ARK2C: variants seen among roughly 807,000 people sequenced by gnomAD.
ARK2C encodes the protein arkadia (RNF111) C-terminal like ring finger ubiquitin ligase 2C, also known as E3 ubiquitin-protein ligase ARK2C.
chr18:46,362,660 G>T, the ARK2C span, among the ~76,000 whole-genome samples: 1 of 152,252 alleles, frequency 6.6e-6, no homozygotes, highest in African/African-American at 2.4e-5. Context: ...GCCTTAGCCA[G>T]TGAAACCTTG....
the ARK2C span, among the ~76,000 whole-genome samples, chr18:46,416,441 G>A: frequency 1.3e-5 from 2 of 152,226 alleles, no homozygotes; most frequent in Non-Finnish European, 2.9e-5. Context: ...TCTGGGTGTT[G>A]CATGGAGACA....
the ARK2C span, among the ~76,000 whole-genome samples, chr18:46,392,189 G>C: frequency 6.6e-6 from 1 of 152,212 alleles, no homozygotes; most frequent in East Asian, 1.9e-4. Flanking sequence ...CACACATACT[G>C]TGGTCATCCT....
chr18:46,389,567 G>A, the ARK2C span, among the ~76,000 whole-genome samples: 16 of 152,256 alleles, frequency 1.1e-4, no homozygotes, highest in East Asian at 3.9e-4. Context: ...AGGGGCAACC[G>A]TGGGGGTGGA....
At chr18:46,430,146 AG>A in the ARK2C span, among the ~76,000 whole-genome samples, 4 of 152,130 alleles carry the variant, frequency 2.6e-5, no homozygotes, top group Admixed American at 6.6e-5. Context: ...AGGAGTGTTG[AG>A]AAGGTTAATT....
chr18:46,343,570 C>T, the ARK2C span, among the ~76,000 whole-genome samples: 1 of 152,230 alleles, frequency 6.6e-6, no homozygotes, highest in African/African-American at 2.4e-5. Flanking sequence ...TTCATGGCCT[C>T]TCTGCCAGTA....
the ARK2C span, among the ~76,000 whole-genome samples, chr18:46,440,715 A>G: frequency 2.0e-5 from 3 of 152,178 alleles, no homozygotes; most frequent in Non-Finnish European, 4.4e-5. Context: ...CTTTGTATCA[A>G]TCAAGATCCG....
chr18:46,410,550 C>A, the ARK2C span, among the ~76,000 whole-genome samples: 8 of 152,246 alleles, frequency 5.3e-5, no homozygotes, highest in African/African-American at 1.9e-4. Flanking sequence ...AGCCTTCTGA[C>A]AATTGCTGTC....
the ARK2C span, among the ~76,000 whole-genome samples, chr18:46,420,102 C>T: frequency 1.3e-5 from 2 of 152,124 alleles, no homozygotes; most frequent in Non-Finnish European, 2.9e-5. Context: ...ATTTCAGGGG[C>T]GTGTGGAGGT....
At chr18:46,393,539 C>T in the ARK2C span, among the ~76,000 whole-genome samples, 3 of 152,176 alleles carry the variant, frequency 2.0e-5, no homozygotes. Flanking sequence ...CCGCCACCAC[C>T]CCACCCCATC....
chr18:46,459,500 C>G, the ARK2C span: 7 of 152,252 alleles, frequency 4.6e-5, no homozygotes, highest in Non-Finnish European at 1.0e-4. Flanking sequence ...GCCCTCGTCC[C>G]CTCCCCCCTC....
the ARK2C span, among the ~76,000 whole-genome samples, chr18:46,447,237 C>G: frequency 6.6e-6 from 1 of 152,164 alleles, no homozygotes; most frequent in African/African-American, 2.4e-5. Context: ...CTCAGTGCCT[C>G]TGGCTTGCTC....
At chr18:46,391,875 T>G in the ARK2C span, among the ~76,000 whole-genome samples, 1 of 151,174 alleles carries the variant, frequency 6.6e-6, no homozygotes, top group African/African-American at 2.4e-5. Flanking sequence ...ATGCAACCCA[T>G]ATACACAGCA....
chr18:46,364,598 A>C, the ARK2C span, among the ~76,000 whole-genome samples: 1,669 of 152,094 alleles, frequency 0.011, 29 homozygotes, highest in African/African-American at 0.038. Flanking sequence ...GGATTTTAGG[A>C]TTGGCTTATA....
the ARK2C span, among the ~76,000 whole-genome samples, chr18:46,352,237 G>T: frequency 6.6e-6 from 1 of 152,094 alleles, no homozygotes; most frequent in African/African-American, 2.4e-5. Flanking sequence ...GCTGGTCAAA[G>T]CCCAGAAAAT....
the ARK2C span, among the ~76,000 whole-genome samples, chr18:46,432,071 G>A: frequency 6.6e-6 from 1 of 152,160 alleles, no homozygotes; most frequent in Non-Finnish European, 1.5e-5. Flanking sequence ...AGTGGGTATT[G>A]GGAGGAGCAG....
the ARK2C span, chr18:46,458,251 A>T: frequency 6.6e-6 from 1 of 152,604 alleles, no homozygotes; most frequent in Non-Finnish European, 1.5e-5. Flanking sequence ...CCCCAAAGGG[A>T]GCAGAGAGAT....
chr18:46,436,288 G>C, the ARK2C span, among the ~76,000 whole-genome samples: 3 of 152,124 alleles, frequency 2.0e-5, no homozygotes, highest in Non-Finnish European at 4.4e-5. Flanking sequence ...GTGTGTGTGT[G>C]TGCGTGTAAG....
At chr18:46,397,455 T>G in the ARK2C span, among the ~76,000 whole-genome samples, 8 of 95,650 alleles carry the variant, frequency 8.4e-5, no homozygotes, top group South Asian at 3.6e-4. Context: ...TGTGAGGGGG[T>G]GTGTGTGTGT....
the ARK2C span, chr18:46,450,747 G>A: frequency 1.2e-6 from 2 of 1,614,012 alleles, no homozygotes; most frequent in Non-Finnish European, 1.7e-6. Flanking sequence ...GTGACTCGGG[G>A]AGCTGTACAG....
Sources: allele counts gnomAD v4.1 joint callset (sites outside exome capture counted in the v4.1 genomes callset), GRCh38; gene constraint gnomAD v4.1.1; transcripts MANE v1.5; gene names NCBI Gene and HGNC (gene_info 2026-07-23, HGNC 2026-07-21).